OR4N5: variants seen among roughly 807,000 people sequenced by gnomAD.
OR4N5 encodes olfactory receptor family 4 subfamily N member 5, also known as olfactory receptor 4N5.
For synonymous variants in OR4N5, 155 were observed against 140.6 expected, an observed-to-expected ratio of 1.10 and a Z score of -0.72; for missense variants, 428 against 370.0, an observed-to-expected ratio of 1.16 and a Z score of -1.29.
chr14:20,141,952 G>T (rs776159025), intron 2 of OR4N5, among the ~76,000 whole-genome samples: 10 of 151,944 alleles, frequency 6.6e-5, no homozygotes, highest in African/African-American at 2.4e-4. Flanking sequence ...CAAAAGTCAA[G>T]GGTAACATTT....
At chr14:20,143,410 T>C (rs1470137365) in intron 2 of OR4N5, among the ~76,000 whole-genome samples, 1 of 152,194 alleles carries the variant, frequency 6.6e-6, no homozygotes, top group African/African-American at 2.4e-5. Flanking sequence ...AACTTGATCA[T>C]GCTTAAGTTA....
chr14:20,141,900 A>T (rs959963214), intron 2 of OR4N5, among the ~76,000 whole-genome samples: 1 of 152,138 alleles, frequency 6.6e-6, no homozygotes, highest in Non-Finnish European at 1.5e-5. Context: ...ATTGCATGAT[A>T]TTGTATCCAC....
intron 1 of OR4N5, among the ~76,000 whole-genome samples, chr14:20,139,742 C>A (rs1314573137): frequency 2.0e-5 from 3 of 152,094 alleles, no homozygotes; most frequent in Admixed American, 2.0e-4. Context: ...TATATTATTT[C>A]TCTTTAATAG....
rs1878713878 is a variant in OR4N5 at position 20,145,181 on chromosome 14, A to C, written c.*519A>C. ...TTTGATGACCATAAAAAGGAAGAGA[A>C]CAGCTGTACTATATTTAGTGAATGT... On this transcript the variant is annotated 3_prime_UTR_variant, in exon 3 of 3. Transcript: ENST00000641086. 3 of 153,530 alleles carry C rather than the reference A, an allele frequency of 2.0e-5. No individual in the cohort carries two copies. Among genetic ancestry groups the C allele is most frequent in the Admixed American group, 1.3e-4 (2 of 15,458 alleles). The allele number at this position is 153,530 out of a possible 1,614,324, so 9.5% of individuals were successfully genotyped here.
chr14:20,142,284 C>A (rs969537383), intron 2 of OR4N5, among the ~76,000 whole-genome samples: 1 of 152,056 alleles, frequency 6.6e-6, no homozygotes, highest in Non-Finnish European at 1.5e-5. Flanking sequence ...AGCCACCACA[C>A]CCAGCTAATT....
At chr14:20,140,632 G>A (rs1191690196) in intron 1 of OR4N5, among the ~76,000 whole-genome samples, 1 of 152,162 alleles carries the variant, frequency 6.6e-6, no homozygotes, top group Non-Finnish European at 1.5e-5. Context: ...ACAGTATGGG[G>A]ACCCTCTCCA....
chr14:20,140,887 T>A lies in OR4N5; in HGVS notation c.-336T>A, dbSNP rs1445251678. On this transcript the variant is annotated 5_prime_UTR_variant, in exon 2 of 3. Coordinates refer to ENST00000641086, the MANE Select transcript of OR4N5 (RefSeq NM_001004724.2). The stretch of plus-strand genomic sequence containing the variant: ...TGAGATCCATTGTTTGGTGCTTTTT[T>A]TTTTTCGGGAACTCATTTTGTACAG... 6.6e-6 allele frequency: 1 copy of A among 152,030 alleles called. No individual in the cohort carries two copies. Among genetic ancestry groups the A allele is most frequent in the Non-Finnish European group, 1.5e-5 (1 of 68,000 alleles). 9.4% of individuals were successfully genotyped at this position (152,030 alleles called of 1,614,324 possible).
intron 2 of OR4N5, 142 bp downstream of exon 2, chr14:20,141,353 C>G (rs1011789107): frequency 2.6e-5 from 4 of 152,088 alleles, no homozygotes; most frequent in Non-Finnish European, 5.9e-5. Flanking sequence ...TGAAGAACAC[C>G]AAAATACTTT....
At chr14:20,143,697 T>A in intron 2 of OR4N5, 28 bp from the exon 3 acceptor site, 1 of 1,424,790 alleles carries the variant, frequency 7.0e-7, no homozygotes, top group Non-Finnish European at 9.6e-7. Context: ...TTATAACAGA[T>A]AACAATTTGC....
intron 1 of OR4N5, among the ~76,000 whole-genome samples, chr14:20,140,600 A>T (rs1443925467): frequency 1.3e-5 from 2 of 152,204 alleles, no homozygotes; most frequent in Non-Finnish European, 2.9e-5. Flanking sequence ...ACTGCTCTGC[A>T]GTCTGGAAGC....
rs775110801 is a variant in OR4N5, at chr14:20,144,527, T to A, written c.792T>A (p.Ala264=). 6.2e-7 allele frequency: 1 copy of A among 1,614,100 alleles called. No individual in the cohort carries two copies. Among genetic ancestry groups the A allele is most frequent in the Admixed American group, 1.7e-5 (1 of 60,018 alleles). Residue 264 remains alanine (A), a synonymous_variant, in exon 3 of 3, where the codon GCT becomes GCA. Transcript: ENST00000641086. ...AIFIYTCPFQ[A]FPADKVVSLF... ...TCATCTACACTTGCCCCTTCCAGGC[T>A]TTCCCAGCTGACAAGGTAGTTTCTC... is the stretch of plus-strand genomic sequence containing the variant.
chr14:20,143,908 C>T lies in OR4N5; in HGVS notation c.173C>T (p.Pro58Leu), dbSNP rs143798540. 2.5e-6 allele frequency: 4 copies of T among 1,614,050 alleles called. No homozygotes were observed. The South Asian group carries it at 4.4e-5, about 18-fold the overall frequency. Residue 58 changes from proline to leucine, a missense_variant, in exon 3 of 3, where the codon CCC becomes CTC. Physicochemically the swap from Pro to Leu is moderately conservative, Grantham distance 98. Transcript: ENST00000641086. ...AAGTCAGACCCTGGGCTCACAGCCCCCCTCTATTTCTTTCTGGGCAACTTG... is the reference window on the plus strand; with the variant it reads ...AAGTCAGACCCTGGGCTCACAGCCCTCCTCTATTTCTTTCTGGGCAACTTG... ...TIKSDPGLTA[P>L]LYFFLGNLAL...
In OR4N5 at chr14:20,141,133, G is replaced by C. The variant is rs1463969804; in HGVS notation, c.-90G>C. ...GTGAGAGAGGCTGAAACTCTCAGGT[G>C]CTCCCTGTGTCTTGGAATCCTCAAC... On this transcript the variant is annotated 5_prime_UTR_variant, in exon 2 of 3. Transcript: ENST00000641086. 1 of 152,122 alleles carries C rather than the reference G, an allele frequency of 6.6e-6. No individual in the cohort carries two copies. Among genetic ancestry groups the C allele is most frequent in the African/African-American group, 2.4e-5 (1 of 41,434 alleles). The allele number at this position is 152,122 out of a possible 1,614,324, so 9.4% of individuals were successfully genotyped here. A position where few individuals can be genotyped will look rare whatever the true frequency, so the allele number is the denominator to read the frequency against.
intron 2 of OR4N5, among the ~76,000 whole-genome samples, chr14:20,141,472 A>G (rs1878614126): frequency 1.3e-5 from 2 of 152,236 alleles, no homozygotes; most frequent in Non-Finnish European, 2.9e-5. Context: ...CTTATTCCAT[A>G]GCATTTGCTG....
intron 2 of OR4N5, among the ~76,000 whole-genome samples, chr14:20,143,503 G>T (rs941465053): frequency 1.3e-5 from 2 of 152,136 alleles, no homozygotes; most frequent in African/African-American, 4.8e-5. Context: ...GAAGCCTGAG[G>T]TTAAATGGGC....
intron 2 of OR4N5, among the ~76,000 whole-genome samples, chr14:20,141,418 T>A (rs527419190): frequency 6.6e-6 from 1 of 152,222 alleles, no homozygotes; most frequent in African/African-American, 2.4e-5. Flanking sequence ...CAAGTGTGAA[T>A]ATGTATTTGG....
chr14:20,143,390 A>G (rs1256684994), intron 2 of OR4N5, among the ~76,000 whole-genome samples: 1 of 152,184 alleles, frequency 6.6e-6, no homozygotes, highest in African/African-American at 2.4e-5. Context: ...AAAAACAAAC[A>G]AAACAGACAA....
chr14:20,139,868 T>A (rs1293492109), intron 1 of OR4N5, among the ~76,000 whole-genome samples: 2 of 152,144 alleles, frequency 1.3e-5, no homozygotes, highest in African/African-American at 4.8e-5. Context: ...GGTAAAATAA[T>A]TCTCAAACCA....
intron 2 of OR4N5, among the ~76,000 whole-genome samples, chr14:20,142,856 C>T (rs1259167061): frequency 6.6e-6 from 1 of 152,100 alleles, no homozygotes; most frequent in Non-Finnish European, 1.5e-5. Flanking sequence ...AATTCCAGCT[C>T]TATTATATTT....
Sources: allele counts gnomAD v4.1 joint callset (sites outside exome capture counted in the v4.1 genomes callset), GRCh38; gene constraint gnomAD v4.1.1; transcripts MANE v1.5; gene names NCBI Gene and HGNC (gene_info 2026-07-23, HGNC 2026-07-21).